The following NECTIN3 variants were observed in gnomAD, a reference collection of about 807,000 sequenced individuals.
NECTIN3 encodes nectin cell adhesion molecule 3, also known as nectin-3.
In NECTIN3, 8 loss-of-function variants were observed where a neutral mutation model predicts 49.4. The observed-to-expected ratio is 0.16, with a 90% CI of 0.10 to 0.29. NECTIN3 has a LOEUF of 0.29. NECTIN3 is among the 10% of genes least tolerant of loss of function. The pLI is 1.00. For missense variants in NECTIN3, 581 were observed against 654.6 expected, an observed-to-expected ratio of 0.89 and a Z score of 1.23; for synonymous variants, 277 against 241.1, an observed-to-expected ratio of 1.15 and a Z score of -1.38.
At chr3:111,087,426 G>A (rs914345564) in intron 1 of NECTIN3, among the ~76,000 whole-genome samples, 21 of 152,168 alleles carry the variant, frequency 1.4e-4, no homozygotes, top group African/African-American at 5.1e-4. Context: ...ACCAAGGCTG[G>A]CGTATCACTG....
intron 5 of NECTIN3, among the ~76,000 whole-genome samples, chr3:111,129,520 A>G (rs561858441): frequency 1.3e-5 from 2 of 152,346 alleles, no homozygotes; most frequent in Admixed American, 1.3e-4. Flanking sequence ...AGAATAAAAC[A>G]ATCAGGAATC....
In NECTIN3 at chr3:111,088,721, C is replaced by T. The variant is rs547237381; in HGVS notation, c.160+16544C>T. Among the ~76,000 whole-genome samples the T allele has an allele frequency of 2.0e-5, 3 of 152,196 alleles. No individual in the cohort carries two copies. The South Asian group carries it at 6.2e-4, about 32-fold the overall frequency. On this transcript the variant is annotated intron_variant, in intron 1 of 5. Coordinates refer to ENST00000485303, the MANE Select transcript of NECTIN3 (RefSeq NM_015480.3). The stretch of plus-strand genomic sequence containing the variant: ...GATGAATATATCCTTTATTATATCA[C>T]TGGATTCTATTTGCTATTTTATTTT...
At chr3:111,173,702 T>A (rs1056390225) in intron 7 of NECTIN3, among the ~76,000 whole-genome samples, 2 of 152,204 alleles carry the variant, frequency 1.3e-5, no homozygotes, top group African/African-American at 4.8e-5. Context: ...AGTAATAATC[T>A]CTTTTATTAT....
intron 5 of NECTIN3, among the ~76,000 whole-genome samples, chr3:111,130,167 A>G (rs1395471786): frequency 6.6e-6 from 1 of 151,914 alleles, no homozygotes. Flanking sequence ...CATATTAGCC[A>G]GGATGGTCTC....
At chr3:111,086,911 T>C (rs1235334288) in intron 1 of NECTIN3, among the ~76,000 whole-genome samples, 2 of 152,162 alleles carry the variant, frequency 1.3e-5, no homozygotes, top group Non-Finnish European at 2.9e-5. Context: ...TCTGGTTTGT[T>C]CTGTGTGTAG....
intron 1 of NECTIN3, among the ~76,000 whole-genome samples, chr3:111,091,952 A>T (rs898417607): frequency 2.0e-5 from 3 of 152,182 alleles, no homozygotes; most frequent in Non-Finnish European, 2.9e-5. Flanking sequence ...TCTTACAAAA[A>T]CTTGTTATCT....
chr3:111,151,529 G>T (rs1216834356), intron 7 of NECTIN3, among the ~76,000 whole-genome samples: 1 of 151,758 alleles, frequency 6.6e-6, no homozygotes, highest in Non-Finnish European at 1.5e-5. Flanking sequence ...TATTATTTTT[G>T]TTATATTTTC....
chr3:111,134,593 TATG>T lies in NECTIN3; in HGVS notation c.*382_*384del, dbSNP rs1352889734. On this transcript the variant is annotated 3_prime_UTR_variant, in exon 6 of 6. Transcript: ENST00000485303. ...GTTTACCTAAGACTATAATCTCAAG[TATG>T]ATGTTTGTTTAACATATACCTCTCA... 4.2e-6 allele frequency: 4 copies of T among 943,042 alleles called. No homozygotes were observed. Among genetic ancestry groups the T allele is most frequent in the Admixed American group, 6.1e-5 (1 of 16,378 alleles). The allele number at this position is 943,042 out of a possible 1,614,324, so 58.4% of individuals were successfully genotyped here. A position where few individuals can be genotyped will look rare whatever the true frequency, so the allele number is the denominator to read the frequency against.
At chr3:111,140,279 CATT>C (rs1018485958), downstream of NECTIN3, among the ~76,000 whole-genome samples, 48 of 151,750 alleles carry the variant, frequency 3.2e-4, no homozygotes, top group African/African-American at 1.1e-3. Flanking sequence ...TGTTTCAGCA[CATT>C]ATAGGTTTAG....
At position 111,133,851 on chromosome 3, in the gene NECTIN3, G is replaced by C. The variant is rs2034479848; in HGVS notation, c.1286G>C (p.Arg429Thr). ...VSVLAGIFCY[R>T]RRRTFRGDYF... ...GTTTTGGCTGGAATATTCTGCTATAGGAGAAGACGGACGTTTCGTGGAGAC... is the reference window on the plus strand; with the variant it reads ...GTTTTGGCTGGAATATTCTGCTATACGAGAAGACGGACGTTTCGTGGAGAC... Residue 429 changes from arginine (R) to threonine (T), a missense_variant, in exon 6 of 6, where the codon AGG (arginine) becomes ACG (threonine). Physicochemically the swap from Arg to Thr is moderately conservative, Grantham distance 71 (BLOSUM62 -1). This residue lies in a region of NECTIN3 where 238 missense variants were observed against 244.9 expected (regional missense o/e 0.97). Coordinates refer to ENST00000485303, the MANE Select transcript of NECTIN3 (RefSeq NM_015480.3). 6.2e-7 allele frequency: 1 copy of C among 1,613,844 alleles called. No individual in the cohort carries two copies. The highest frequency in any genetic ancestry group is 1.3e-5 in the African/African-American group (1 of 74,904).
intron 1 of NECTIN3, among the ~76,000 whole-genome samples, chr3:111,093,335 C>G (rs1484600561): frequency 6.6e-6 from 1 of 151,886 alleles, no homozygotes; most frequent in Admixed American, 6.6e-5. Context: ...TGATAATGTG[C>G]ACATTTCCAT....
chr3:111,081,500 T>C (rs1352012870), intron 1 of NECTIN3, among the ~76,000 whole-genome samples: 1 of 152,198 alleles, frequency 6.6e-6, no homozygotes, highest in African/African-American at 2.4e-5. Flanking sequence ...CCCTGTTAAA[T>C]TGGCTAAATA....
intron 1 of NECTIN3, among the ~76,000 whole-genome samples, chr3:111,086,701 G>C (rs973657488): frequency 6.6e-6 from 1 of 152,110 alleles, no homozygotes; most frequent in African/African-American, 2.4e-5. Context: ...ATTGTACTTA[G>C]TCTTGTTCCT....
intron 1 of NECTIN3, among the ~76,000 whole-genome samples, chr3:111,098,944 AG>A (rs1298940672): frequency 6.6e-6 from 1 of 151,456 alleles, no homozygotes; most frequent in Non-Finnish European, 1.5e-5. Flanking sequence ...AAAAAAAAAA[AG>A]ATGAGCAAAC....
chr3:111,138,008 A>G (rs1419666364), downstream of NECTIN3, among the ~76,000 whole-genome samples: 1 of 151,546 alleles, frequency 6.6e-6, no homozygotes, highest in Non-Finnish European at 1.5e-5. Context: ...CTGTAGCCCT[A>G]GCTGTTAAAA....
intron 7 of NECTIN3, among the ~76,000 whole-genome samples, chr3:111,169,807 A>G (rs2107525898): frequency 6.6e-6 from 1 of 152,352 alleles, no homozygotes; most frequent in Admixed American, 6.5e-5. Context: ...TACCAATCAG[A>G]TGAATCCCTT....
chr3:111,104,102 G>A (rs972732087), intron 1 of NECTIN3, among the ~76,000 whole-genome samples: 2 of 152,064 alleles, frequency 1.3e-5, no homozygotes, highest in Non-Finnish European at 2.9e-5. Context: ...TTCCAGTGTG[G>A]TTTTACCATT....
upstream of NECTIN3, among the ~76,000 whole-genome samples, chr3:111,190,337 TTGA>T (rs1310372513): frequency 1.3e-5 from 2 of 152,196 alleles, no homozygotes; most frequent in Admixed American, 6.5e-5. Context: ...ACATCAAGAA[TTGA>T]TGATAGTTTA....
intron 2 of NECTIN3, among the ~76,000 whole-genome samples, chr3:111,113,980 C>G (rs1269115414): frequency 6.6e-6 from 1 of 151,926 alleles, no homozygotes. Context: ...GAGACTGTGT[C>G]TCTAAATAAA....
Sources: allele counts gnomAD v4.1 joint callset (sites outside exome capture counted in the v4.1 genomes callset), GRCh38; gene constraint gnomAD v4.1.1; regional missense constraint gnomAD v4.1.1; transcripts MANE v1.5; gene names NCBI Gene and HGNC (gene_info 2026-07-23, HGNC 2026-07-21).